LRTM1: variants seen among roughly 807,000 people sequenced by gnomAD.
LRTM1 encodes leucine-rich repeat and transmembrane domain-containing protein 1.
Under a neutral mutation model 32.4 loss-of-function variants are expected in LRTM1, and 38 were observed. The ratio of observed to expected loss-of-function variants is 1.17; its 90% CI spans 0.91 to 1.54. The LOEUF is 1.54. Among genes scored for constraint, LRTM1 ranks in the 40% most tolerant of loss-of-function variants. The probability of loss-of-function intolerance (pLI) is 0.00; values close to 1 mark genes in which losing one functional copy is unlikely to be tolerated. For missense variants in LRTM1, 466 were observed against 415.4 expected (o/e 1.12, Z -1.06); for synonymous variants, 186 against 169.9 (o/e 1.09, Z -0.74).
chr3:54,937,286 A>G (rs986752783), intron 1 of LRTM1, among the ~76,000 whole-genome samples: 21 of 152,314 alleles, frequency 1.4e-4, no homozygotes, highest in African/African-American at 5.0e-4. Context: ...AGCTCAATGA[A>G]TGGACCTACA....
chr3:54,941,801 C>T (rs376487442), intron 1 of LRTM1, among the ~76,000 whole-genome samples: 1 of 152,284 alleles, frequency 6.6e-6, no homozygotes, highest in East Asian at 1.9e-4. Context: ...GGGTGAGTCC[C>T]TTGGGTCTGG....
At chr3:54,933,968 G>A (rs879680211) in intron 1 of LRTM1, among the ~76,000 whole-genome samples, 3 of 151,952 alleles carry the variant, frequency 2.0e-5, no homozygotes, top group Admixed American at 6.6e-5. Flanking sequence ...ACGGGGTTTC[G>A]TCATGTTGGT....
intron 1 of LRTM1, among the ~76,000 whole-genome samples, chr3:54,949,755 G>A (rs965184154): frequency 1.3e-5 from 2 of 152,172 alleles, no homozygotes; most frequent in East Asian, 3.9e-4. Context: ...AAGTGACTGT[G>A]GTCTCTGCCA....
At chr3:54,926,357 C>T (rs1051930096) in intron 1 of LRTM1, among the ~76,000 whole-genome samples, 1 of 152,138 alleles carries the variant, frequency 6.6e-6, no homozygotes, top group South Asian at 2.1e-4. Flanking sequence ...CCCAAGTTCA[C>T]ACAGAGTATT....
At chr3:54,920,824 G>T (rs1193156362) in intron 2 of LRTM1, among the ~76,000 whole-genome samples, 1 of 152,164 alleles carries the variant, frequency 6.6e-6, no homozygotes, top group East Asian at 1.9e-4. Flanking sequence ...GACTAGGGTG[G>T]TTTACCCAAT....
At chr3:54,954,581 T>C (rs548790537) in intron 1 of LRTM1, among the ~76,000 whole-genome samples, 1 of 152,310 alleles carries the variant, frequency 6.6e-6, no homozygotes, top group Admixed American at 6.5e-5. Flanking sequence ...CCAAATCATC[T>C]TTCCTGAGCA....
intron 1 of LRTM1, among the ~76,000 whole-genome samples, chr3:54,960,144 A>G (rs959425893): frequency 6.6e-6 from 1 of 151,936 alleles, no homozygotes; most frequent in East Asian, 1.9e-4. Flanking sequence ...GCCTTCCTAC[A>G]CTGGTTCCCA....
At chr3:54,936,697 C>T (rs549615693) in intron 1 of LRTM1, among the ~76,000 whole-genome samples, 7 of 152,106 alleles carry the variant, frequency 4.6e-5, no homozygotes, top group African/African-American at 1.2e-4. Context: ...GTCAGCCCGT[C>T]GCTAGTAGGA....
At chr3:54,941,425 CA>C (rs1462310586) in intron 1 of LRTM1, among the ~76,000 whole-genome samples, 1 of 152,190 alleles carries the variant, frequency 6.6e-6, no homozygotes, top group African/African-American at 2.4e-5. Context: ...ACGCTATTTT[CA>C]AACTACTTAT....
At chr3:54,932,537 A>G (rs1422924990), upstream of LRTM1, among the ~76,000 whole-genome samples, 4 of 152,212 alleles carry the variant, frequency 2.6e-5, no homozygotes, top group Admixed American at 6.5e-5. Flanking sequence ...CCTTTACTGG[A>G]ATATTTGAGA....
chr3:54,964,319 CA>C (rs1393582816), intron 1 of LRTM1, among the ~76,000 whole-genome samples: 1 of 152,050 alleles, frequency 6.6e-6, no homozygotes, highest in African/African-American at 2.4e-5. Context: ...CATCTGTAAT[CA>C]AATTGAAGTA....
At chr3:54,949,769 A>G (rs1032685899) in intron 1 of LRTM1, among the ~76,000 whole-genome samples, 12 of 151,536 alleles carry the variant, frequency 7.9e-5, no homozygotes, top group African/African-American at 2.9e-4. Flanking sequence ...TCTGCCACAG[A>G]TAGATGCATC....
At chr3:54,924,493 C>T (rs565141609) in intron 2 of LRTM1, 126 bp downstream of exon 2, 60 of 740,482 alleles carry the variant, frequency 8.1e-5, no homozygotes, top group Admixed American at 7.7e-4. Flanking sequence ...GAAATGGCAC[C>T]GATGTGTAAA....
chr3:54,959,312 G>A (rs1429604848), intron 1 of LRTM1, among the ~76,000 whole-genome samples: 2 of 152,162 alleles, frequency 1.3e-5, no homozygotes, highest in Non-Finnish European at 2.9e-5. Context: ...CTCCACAGGG[G>A]ACTCAGGTCC....
chr3:54,964,830 G>A (rs1215886716), intron 1 of LRTM1, among the ~76,000 whole-genome samples: 2 of 146,354 alleles, frequency 1.4e-5, no homozygotes, highest in African/African-American at 5.1e-5. Flanking sequence ...TTTTTTTTTT[G>A]TTGCCTTGTT....
At chr3:54,963,455 T>A (rs1295033441) in intron 1 of LRTM1, among the ~76,000 whole-genome samples, 1 of 152,248 alleles carries the variant, frequency 6.6e-6, no homozygotes, top group African/African-American at 2.4e-5. Context: ...ACCCTGTGGC[T>A]ACGGAGCACT....
intron 1 of LRTM1, among the ~76,000 whole-genome samples, chr3:54,957,620 G>A (rs1701933392): frequency 6.6e-6 from 1 of 152,112 alleles, no homozygotes; most frequent in Non-Finnish European, 1.5e-5. Flanking sequence ...AGGGCCGGTG[G>A]GGAAGTGCTG....
rs746567798 is a variant in LRTM1, at chr3:54,925,040, C to G, written c.183G>C (p.Gln61His). ...QTRTLHLQDNQIHHLPAFAFR... is the reference protein window; with the variant it reads ...QTRTLHLQDNHIHHLPAFAFR... ...ATGCAAAAGCAGGAAGATGGTGTAT[C>G]TGATTATCTTGTAAATGCAGCGTTC... The change falls in exon 2 of 3, where the codon CAG (glutamine) becomes CAC (histidine). Residue 61 changes from glutamine (Q) to histidine (H), a missense_variant. Coordinates refer to ENST00000273286, the MANE Select transcript of LRTM1 (RefSeq NM_020678.4). 51 of 1,613,992 alleles carry G rather than the reference C, an allele frequency of 3.2e-5. No individual in the cohort carries two copies. The Admixed American group carries it at 8.5e-4, about 27-fold the overall frequency.
chr3:54,922,157 T>G (rs992222345), intron 2 of LRTM1, among the ~76,000 whole-genome samples: 2 of 152,078 alleles, frequency 1.3e-5, no homozygotes, highest in Admixed American at 6.6e-5. Context: ...AGGACTGGAA[T>G]GGGCCGTAGG....
Sources: gnomAD v4.1 joint callset for allele counts (sites outside exome capture counted in the v4.1 genomes callset) on GRCh38, gnomAD v4.1.1 for gene constraint, MANE v1.5 for transcripts, NCBI Gene and HGNC (gene_info 2026-07-23, HGNC 2026-07-21) for gene names.